The following SPG11 variants were observed in gnomAD, a reference collection of about 807,000 sequenced individuals.
SPG11 encodes SPG11 vesicle trafficking associated, spatacsin, also known as spatacsin.
In SPG11, 222 loss-of-function variants were observed where a neutral mutation model predicts 274.0. The observed-to-expected ratio is 0.81, with a 90% confidence interval of 0.73 to 0.91. The LOEUF is 0.91. Ranked by LOEUF, SPG11 falls within the 40% of genes least tolerant of loss-of-function variation. The pLI, the probability that SPG11 is intolerant of heterozygous loss-of-function variation, is 0.00. For synonymous variants in SPG11, 1,144 were observed against 1,039.7 expected (o/e 1.10, Z -1.93); for missense variants, 3,114 against 2,872.7 (o/e 1.08, Z -1.92).
chr15:44,649,996 T>A (rs1279955547), intron 6 of SPG11, among the ~76,000 whole-genome samples: 1 of 152,174 alleles, frequency 6.6e-6, no homozygotes, highest in Non-Finnish European at 1.5e-5. Context: ...ATTTCTGGTT[T>A]ACTATTATAA....
chr15:44,658,032 G>T (rs560021250), intron 3 of SPG11, among the ~76,000 whole-genome samples: 6 of 152,054 alleles, frequency 3.9e-5, no homozygotes, highest in African/African-American at 1.4e-4. Flanking sequence ...CTCAGGAGAA[G>T]AAAAAAAATC....
rs753466044 is a variant in SPG11, at chr15:44,564,683, C to T, written c.7015G>A (p.Glu2339Lys). 13 of 1,614,152 alleles carry T rather than the reference C, an allele frequency of 8.1e-6. No individual in the cohort carries two copies. Among genetic ancestry groups the T allele is most frequent in the Non-Finnish European group, 1.1e-5 (13 of 1,180,034 alleles). The part of the protein sequence containing the change: ...PRFYQASIVA[E>K]AYDFVPDWAE... ...CAATCTGGAACAAAATCGTAGGCCT[C>T]AGCCACAATAGAAGCCTTAAAAGGA... The change falls in exon 39 of 40, where the codon GAG (glutamate) becomes AAG (lysine). Residue 2339 changes from glutamate to lysine, a missense_variant. By Grantham distance (56) the Glu-to-Lys change is moderately conservative (BLOSUM62 1). Coordinates refer to ENST00000261866, the MANE Select transcript of SPG11 (RefSeq NM_025137.4).
chr15:44,590,455 T>C (rs2082875247), intron 27 of SPG11: 2 of 152,122 alleles, frequency 1.3e-5, no homozygotes, highest in South Asian at 4.1e-4. Flanking sequence ...TCCTTTGTGT[T>C]GGTAAAGAAC....
At chr15:44,594,653 T>C (rs190438697) in intron 26 of SPG11, among the ~76,000 whole-genome samples, 68 of 143,634 alleles carry the variant, frequency 4.7e-4, no homozygotes, top group African/African-American at 1.6e-3. Context: ...TTCCTAGCCA[T>C]CTGGGAGGCT....
intron 8 of SPG11, among the ~76,000 whole-genome samples, chr15:44,630,765 A>T (rs531332018): frequency 1.3e-5 from 2 of 152,160 alleles, no homozygotes; most frequent in African/African-American, 2.4e-5. Flanking sequence ...TTTTTAGTAG[A>T]AATGGGGTTT....
chr15:44,602,019 C>G (rs1318699286), intron 20 of SPG11, among the ~76,000 whole-genome samples: 1 of 152,184 alleles, frequency 6.6e-6, no homozygotes, highest in South Asian at 2.1e-4. Context: ...CTTTTTCAGA[C>G]AGTTTGCTGT....
intron 19 of SPG11, among the ~76,000 whole-genome samples, chr15:44,607,804 C>T (rs993152373): frequency 3.3e-5 from 5 of 152,112 alleles, no homozygotes; most frequent in South Asian, 2.1e-4. Context: ...CATTCTTAGA[C>T]GTTCTGAAAA....
Position 44,596,802 on chromosome 15 carries a change from G to A in SPG11, c.4143C>T (p.His1381=). 5.6e-6 allele frequency: 9 copies of A among 1,609,092 alleles called. No homozygotes were observed. Among genetic ancestry groups the A allele is most frequent in the Non-Finnish European group, 7.6e-6 (9 of 1,177,232 alleles). The change falls in exon 24 of 40, where the codon CAC becomes CAT. Residue 1381 remains histidine (H), a synonymous_variant. Transcript: ENST00000261866. Reference sequence around the variant, plus strand: ...GGCTTACCTCTGCTGGGTGGTAGTTGTGGAGTTGGCTGTGAATAATGAACT... The same window carrying A: ...GGCTTACCTCTGCTGGGTGGTAGTTATGGAGTTGGCTGTGAATAATGAACT... ...WLQFIIHSQL[H]NYHPAEVKSL... is the part of the protein sequence containing the mutation.
At chr15:44,656,347 A>G (rs1232304772) in intron 4 of SPG11, among the ~76,000 whole-genome samples, 1 of 152,244 alleles carries the variant, frequency 6.6e-6, no homozygotes, top group African/African-American at 2.4e-5. Flanking sequence ...AAAGATTTCA[A>G]TCAGGGTTGA....
At chr15:44,628,174 A>G (rs567346924) in intron 10 of SPG11, among the ~76,000 whole-genome samples, 1 of 152,338 alleles carries the variant, frequency 6.6e-6, no homozygotes, top group East Asian at 1.9e-4. Context: ...TGTGGTGGGA[A>G]AAAAGGCAAA....
rs1205482825 is a variant in SPG11 at position 44,631,803 on chromosome 15, C to CTTT, written c.1735+1699_1735+1701dup. Among the ~76,000 whole-genome samples, 91 of 100,430 alleles carry CTTT rather than the reference C, an allele frequency of 9.1e-4. 1 individual carries two copies. Among genetic ancestry groups the CTTT allele is most frequent in the Non-Finnish European group, 1.4e-3 (68 of 49,806 alleles). The allele number at this position is 100,430 out of a possible 152,430, so 65.9% of individuals were successfully genotyped here. A position where few individuals can be genotyped will look rare whatever the true frequency, so the allele number is the denominator to read the frequency against. ...TATAGGTGTGAGCCACTGCACCCAG[C>CTTT]TTTTTTTTTTTTTTTTTTTTTTTGA... On this transcript the variant is annotated intron_variant, in intron 8 of 39. Coordinates refer to ENST00000261866, the MANE Select transcript of SPG11 (RefSeq NM_025137.4).
intron 19 of SPG11, among the ~76,000 whole-genome samples, chr15:44,607,593 G>A (rs956058191): frequency 3.9e-5 from 6 of 152,234 alleles, no homozygotes; most frequent in South Asian, 2.1e-4. Context: ...TAAACCTTAC[G>A]TTGAGTTGAA....
chr15:44,575,081 G>A, intron 30 of SPG11, 40 bp from the exon 31 acceptor site: 2 of 1,611,846 alleles, frequency 1.2e-6, no homozygotes, highest in African/African-American at 1.3e-5. Context: ...TAAGCTGGGA[G>A]GTTCTGGCCT....
At chr15:44,605,321 T>C (rs1040838248) in intron 20 of SPG11, among the ~76,000 whole-genome samples, 2 of 152,176 alleles carry the variant, frequency 1.3e-5, no homozygotes, top group Non-Finnish European at 2.9e-5. Context: ...ATTCTATATA[T>C]CAAAATTCGA....
At chr15:44,658,794 T>C (rs1413512707) in intron 3 of SPG11, among the ~76,000 whole-genome samples, 1 of 152,146 alleles carries the variant, frequency 6.6e-6, no homozygotes, top group East Asian at 1.9e-4. Flanking sequence ...GAAATACATT[T>C]TGAATAAACA....
At chr15:44,600,168 A>G in intron 21 of SPG11, 1 of 281,234 alleles carries the variant, frequency 3.6e-6, no homozygotes. Flanking sequence ...TGAAAACAAC[A>G]ATAATCACCA....
intron 26 of SPG11, among the ~76,000 whole-genome samples, chr15:44,593,747 A>G (rs2082959971): frequency 6.6e-6 from 1 of 150,878 alleles, no homozygotes; most frequent in Admixed American, 6.6e-5. Context: ...ACATCACTTC[A>G]TAATATCTTT....
Position 44,589,292 on chromosome 15 carries a change from A to G in SPG11, c.4866T>C (p.Leu1622=). Residue 1622 remains leucine, a synonymous_variant, in exon 28 of 40, where the codon CTT becomes CTC. Transcript: ENST00000261866. ...QCKTQYELGK[L]LQLFVEREHL... is the part of the protein sequence containing the mutation. ...GCTCTCTTTCAACAAAGAGCTGTAA[A>G]AGCTTCCCCAGCTCATACTGGGTCT... The G allele has an allele frequency of 6.2e-7, 1 of 1,614,126 alleles. No homozygotes were observed. Among genetic ancestry groups the G allele is most frequent in the East Asian group, 2.2e-5 (1 of 44,892 alleles).
At chr15:44,587,766 A>G (rs1191237389) in intron 28 of SPG11, among the ~76,000 whole-genome samples, 2 of 151,716 alleles carry the variant, frequency 1.3e-5, no homozygotes, top group Non-Finnish European at 2.9e-5. Flanking sequence ...ACGCACACAT[A>G]GTAACACAAT....
Sources: gnomAD v4.1 joint callset for allele counts (sites outside exome capture counted in the v4.1 genomes callset) on GRCh38, gnomAD v4.1.1 for gene constraint, MANE v1.5 for transcripts, NCBI Gene and HGNC (gene_info 2026-07-23, HGNC 2026-07-21) for gene names.